GRID1: variants seen among roughly 807,000 people sequenced by gnomAD.
The protein encoded by GRID1 is glutamate ionotropic receptor delta type subunit 1.
GRID1 carries 28 observed loss-of-function variants against 98.0 expected under a neutral mutation model. That is an observed-to-expected ratio of 0.29 (90% CI 0.21 to 0.39). GRID1 has a LOEUF of 0.39. Among genes scored for constraint, GRID1 ranks in the 10% least tolerant of loss-of-function variants. The pLI, the probability that GRID1 is intolerant of heterozygous loss-of-function variation, is 1.00. For synonymous variants in GRID1, 553 were observed against 538.5 expected, an observed-to-expected ratio of 1.03 and a Z score of -0.37; for missense variants, 1,111 against 1,340.5, an observed-to-expected ratio of 0.83 and a Z score of 2.67.
At chr10:86,185,421 A>G (rs1672012774) in intron 3 of GRID1, among the ~76,000 whole-genome samples, 1 of 152,164 alleles carries the variant, frequency 6.6e-6, no homozygotes, top group African/African-American at 2.4e-5. Context: ...CAGTAAATTT[A>G]AAGTTTTCAT....
At chr10:86,316,572 G>A (rs1389585612) in intron 2 of GRID1, among the ~76,000 whole-genome samples, 1 of 152,264 alleles carries the variant, frequency 6.6e-6, no homozygotes, top group Admixed American at 6.5e-5. Context: ...AAGCCTCCAG[G>A]CTCGGGAGGG....
intron 2 of GRID1, among the ~76,000 whole-genome samples, chr10:86,330,445 A>G (rs945374021): frequency 2.0e-5 from 3 of 152,132 alleles, no homozygotes; most frequent in Admixed American, 6.5e-5. Flanking sequence ...CCCTCCAGCA[A>G]GCCCACCCAC....
At chr10:86,151,839 C>T (rs1486854700) in intron 3 of GRID1, among the ~76,000 whole-genome samples, 1 of 152,176 alleles carries the variant, frequency 6.6e-6, no homozygotes, top group Non-Finnish European at 1.5e-5. Flanking sequence ...GTGTGTGGGG[C>T]TGCCCTGGTC....
In GRID1 at chr10:86,236,082, T is replaced by A. The variant is rs532713987; in HGVS notation, c.236-29434A>T. 3.9e-5 allele frequency among the ~76,000 whole-genome samples: 6 copies of A among 152,364 alleles called. 1 individual carries two copies. The South Asian group carries it at 1.2e-3, about 32-fold the overall frequency. On this transcript the variant is annotated intron_variant, in intron 2 of 15. Coordinates refer to ENST00000327946, the MANE Select transcript of GRID1 (RefSeq NM_017551.3). Reference sequence around the variant, plus strand: ...GTTACTGTCTTTTTTATTATAGTCATCCTAGTGGGTGTGAAGTGGTATCTG... The same window carrying A: ...GTTACTGTCTTTTTTATTATAGTCAACCTAGTGGGTGTGAAGTGGTATCTG...
At chr10:85,849,407 T>C (rs1590263759) in intron 8 of GRID1, among the ~76,000 whole-genome samples, 2 of 152,324 alleles carry the variant, frequency 1.3e-5, no homozygotes, top group East Asian at 3.9e-4. Context: ...GACAGAGAAG[T>C]TAGAAGAAGC....
intron 8 of GRID1, among the ~76,000 whole-genome samples, chr10:85,835,217 C>A (rs1026570338): frequency 2.0e-5 from 3 of 152,118 alleles, no homozygotes; most frequent in African/African-American, 7.2e-5. Flanking sequence ...ATAGACAAGT[C>A]CATAATTATA....
In GRID1 at chr10:86,194,816, C is replaced by T. The variant is rs1845850299; in HGVS notation, c.520+11548G>A. Among the ~76,000 whole-genome samples the T allele has an allele frequency of 2.0e-5, 3 of 151,930 alleles. No individual in the cohort carries two copies. The South Asian group carries it at 6.2e-4, about 32-fold the overall frequency. On this transcript the variant is annotated intron_variant, in intron 3 of 15. Transcript: ENST00000327946. ...ACAGGACTGCACTCGGCCACCAATGCTTATGAAGGCCTCCCCCAGCTCTGC... is the reference window on the plus strand; with the variant it reads ...ACAGGACTGCACTCGGCCACCAATGTTTATGAAGGCCTCCCCCAGCTCTGC...
intron 2 of GRID1, among the ~76,000 whole-genome samples, chr10:86,343,405 CT>C (rs1224966681): frequency 2.0e-5 from 3 of 152,188 alleles, no homozygotes; most frequent in Non-Finnish European, 2.9e-5. Context: ...AGACAGTGGG[CT>C]TTACTGCCTG....
chr10:85,724,765 A>AACAGAGCAACTCAAAG, intron 10 of GRID1, 89 bp from the exon 11 acceptor site: 1 of 1,032,448 alleles, frequency 9.7e-7, no homozygotes, highest in Non-Finnish European at 1.4e-6. Context: ...CTGTCCTTTG[A>AACAGAGCAACTCAAAG]GTTGCTCTGT....
intron 5 of GRID1, among the ~76,000 whole-genome samples, chr10:85,871,837 A>C (rs1367529033): frequency 6.6e-6 from 1 of 152,240 alleles, no homozygotes; most frequent in Non-Finnish European, 1.5e-5. Flanking sequence ...GATAATTAAT[A>C]TTTCCTAAAT....
intron 4 of GRID1, among the ~76,000 whole-genome samples, chr10:86,044,905 T>A (rs1462470582): frequency 6.6e-6 from 1 of 152,182 alleles, no homozygotes; most frequent in Non-Finnish European, 1.5e-5. Context: ...CGCAAGAGCA[T>A]CCCAGGGCCC....
At chr10:85,885,845 T>C in intron 5 of GRID1, among the ~76,000 whole-genome samples, 1 of 152,288 alleles carries the variant, frequency 6.6e-6, no homozygotes, top group South Asian at 2.1e-4. Context: ...ACATTTATAG[T>C]AAAGATACAT....
chr10:85,650,167 GAAT>G (rs1162900708), intron 12 of GRID1: 1 of 152,236 alleles, frequency 6.6e-6, no homozygotes, highest in Non-Finnish European at 1.5e-5. Context: ...ACACAGGGAG[GAAT>G]AAAGGAGAAT....
rs928492173 is a variant in GRID1 at position 86,366,760 on chromosome 10, C to A, written c.-368G>T. Among the ~76,000 whole-genome samples the A allele has an allele frequency of 1.3e-5, 2 of 150,268 alleles. No individual in the cohort carries two copies. Among genetic ancestry groups the A allele is most frequent in the Non-Finnish European group, 3.0e-5 (2 of 66,952 alleles). Reference sequence around the variant, plus strand: ...GCCGGGCCGGCGTGGCGGCTCTGGGCTGGCTGTGTGTCTGAGCCCCGGCGA... The same window carrying A: ...GCCGGGCCGGCGTGGCGGCTCTGGGATGGCTGTGTGTCTGAGCCCCGGCGA... On this transcript the variant is annotated 5_prime_UTR_variant, in exon 1 of 16. Coordinates refer to ENST00000327946, the MANE Select transcript of GRID1 (RefSeq NM_017551.3). The surrounding 1 kb of genome is among the most constrained non-coding windows in gnomAD (Gnocchi z 4.1).
chr10:86,254,252 C>T (rs1846881306), intron 2 of GRID1, among the ~76,000 whole-genome samples: 1 of 152,250 alleles, frequency 6.6e-6, no homozygotes, highest in African/African-American at 2.4e-5. Flanking sequence ...TGAGTGCTGA[C>T]ACCTGCCCTC....
At chr10:86,020,510 G>A (rs1044114988) in intron 4 of GRID1, among the ~76,000 whole-genome samples, 1 of 152,200 alleles carries the variant, frequency 6.6e-6, no homozygotes, top group Non-Finnish European at 1.5e-5. Context: ...AACCTTTACT[G>A]CTTATTTGCT....
intron 4 of GRID1, among the ~76,000 whole-genome samples, chr10:85,924,892 C>T (rs932442375): frequency 2.0e-5 from 3 of 152,088 alleles, no homozygotes; most frequent in Non-Finnish European, 4.4e-5. Context: ...CTCACAGCCC[C>T]GGGGGAATGA....
intron 6 of GRID1, among the ~76,000 whole-genome samples, chr10:85,860,730 C>T (rs1351118602): frequency 6.6e-6 from 1 of 152,210 alleles, no homozygotes; most frequent in Non-Finnish European, 1.5e-5. Flanking sequence ...CCCCAGGTCT[C>T]CACAGTAGTG....
At chr10:85,630,147 G>C (rs548426429) in intron 13 of GRID1, among the ~76,000 whole-genome samples, 1 of 152,156 alleles carries the variant, frequency 6.6e-6, no homozygotes, top group African/African-American at 2.4e-5. Context: ...TCTGCCCTTT[G>C]ATTTTTTAAC....
Sources: allele counts gnomAD v4.1 joint callset (sites outside exome capture counted in the v4.1 genomes callset), GRCh38; gene constraint gnomAD v4.1.1; non-coding constraint Gnocchi (gnomAD v3.1); transcripts MANE v1.5; gene names NCBI Gene and HGNC (gene_info 2026-07-23, HGNC 2026-07-21).